PSPC1: variants seen among roughly 807,000 people sequenced by gnomAD.
PSPC1 encodes the protein paraspeckle component 1.
A neutral mutation model predicts 51.6 loss-of-function variants in PSPC1; 14 were observed. The observed-to-expected ratio is 0.27, with a 90% CI of 0.18 to 0.42. The LOEUF (loss-of-function observed/expected upper bound fraction) is 0.42, where lower values mean the gene tolerates loss of function less well. Among genes scored for constraint, PSPC1 ranks in the 10% least tolerant of loss-of-function variants. The probability of loss-of-function intolerance (pLI) is 1.00; values close to 1 mark genes in which losing one functional copy is unlikely to be tolerated. For synonymous variants in PSPC1, 193 were observed against 231.9 expected, an observed-to-expected ratio of 0.83 and a Z score of 1.53; for missense variants, 406 against 701.1, an observed-to-expected ratio of 0.58 and a Z score of 4.75.
intron 3 of PSPC1, among the ~76,000 whole-genome samples, chr13:19,752,744 C>T (rs1593713449): frequency 6.6e-6 from 1 of 152,074 alleles, no homozygotes; most frequent in Non-Finnish European, 1.5e-5. Context: ...CGCCACCATG[C>T]TTGGCTTATT....
At chr13:19,763,251 G>A (rs940408761) in intron 2 of PSPC1, among the ~76,000 whole-genome samples, 1 of 152,216 alleles carries the variant, frequency 6.6e-6, no homozygotes, top group Middle Eastern at 3.4e-3. Context: ...AACCTCCTGG[G>A]CTCAAGATAT....
chr13:19,703,029 A>G lies in PSPC1; in HGVS notation c.*146T>C, dbSNP rs188096571. On this transcript the variant is annotated 3_prime_UTR_variant, in exon 9 of 9. Coordinates refer to ENST00000338910, the MANE Select transcript of PSPC1 (RefSeq NM_001354909.2). ...ACAAAGCTCATGAATAAAGAAAAAT[A>G]CAAAAACCTCAAGTTTTACAAAAAA... 3.7e-3 allele frequency: 1,975 copies of G among 530,570 alleles called. 16 individuals are homozygous for G. The highest frequency in any genetic ancestry group is 0.035 in the African/African-American group (1,766 of 50,160). 32.9% of individuals were successfully genotyped at this position (530,570 alleles called of 1,614,324 possible). A position where few individuals can be genotyped will look rare whatever the true frequency, so the allele number is the denominator to read the frequency against.
intron 7 of PSPC1, among the ~76,000 whole-genome samples, chr13:19,706,859 A>G (rs573715525): frequency 4.9e-4 from 74 of 152,278 alleles, no homozygotes; most frequent in African/African-American, 1.8e-3. Context: ...AGTCCTTACC[A>G]GCCCCTGGCA....
intron 6 of PSPC1, among the ~76,000 whole-genome samples, chr13:19,710,846 T>G (rs1467116892): frequency 6.6e-6 from 1 of 152,068 alleles, no homozygotes; most frequent in East Asian, 1.9e-4. Flanking sequence ...AGCTTAATTT[T>G]TTTTTTTTTC....
chr13:19,714,988 A>G (rs532217118), intron 6 of PSPC1, among the ~76,000 whole-genome samples: 28 of 152,342 alleles, frequency 1.8e-4, no homozygotes, highest in African/African-American at 6.7e-4. Context: ...TGGGAAGCCA[A>G]CCATTTTTTA....
rs764071330 is a variant in PSPC1, at chr13:19,782,766, G to C, written c.-9C>G. The C allele has an allele frequency of 6.5e-6, 10 of 1,533,246 alleles. No homozygotes were observed. The highest frequency in any genetic ancestry group is 8.6e-6 in the Non-Finnish European group (10 of 1,157,174). 95.0% of individuals were successfully genotyped at this position (1,533,246 alleles called of 1,614,324 possible). Reference sequence around the variant, plus strand: ...TTTCCTCTTAACATCATCTTACTGAGTTCGCCTCGGACACCGGATACAGGC... The same window carrying C: ...TTTCCTCTTAACATCATCTTACTGACTTCGCCTCGGACACCGGATACAGGC... On this transcript the variant is annotated 5_prime_UTR_variant, in exon 1 of 9. Transcript: ENST00000338910. This position sits in a 1 kb window ranked among gnomAD's most constrained non-coding sequence, Gnocchi z 4.5.
intron 3 of PSPC1, among the ~76,000 whole-genome samples, chr13:19,755,209 C>G (rs998206821): frequency 7.3e-5 from 11 of 150,856 alleles, no homozygotes; most frequent in Admixed American, 2.0e-4. Flanking sequence ...GCACTGCAGT[C>G]TGGGCAACAG....
chr13:19,738,324 C>T (rs1885065099), intron 5 of PSPC1, among the ~76,000 whole-genome samples: 1 of 152,098 alleles, frequency 6.6e-6, no homozygotes, highest in African/African-American at 2.4e-5. Flanking sequence ...TTGGTATGTG[C>T]AGGGGATTGG....
intron 2 of PSPC1, among the ~76,000 whole-genome samples, chr13:19,760,592 C>G (rs1399064995): frequency 6.6e-6 from 1 of 151,582 alleles, no homozygotes; most frequent in African/African-American, 2.4e-5. Context: ...GTGGCTCAAA[C>G]CTGTAATTCT....
At chr13:19,779,860 T>TG (rs1407635033) in intron 1 of PSPC1, among the ~76,000 whole-genome samples, 6 of 91,090 alleles carry the variant, frequency 6.6e-5, no homozygotes, top group African/African-American at 8.6e-5. Flanking sequence ...GGGAGGGAGG[T>TG]GGGGGGGTCG....
Position 19,731,092 on chromosome 13 carries a change from A to T in PSPC1, c.1053-748T>A, listed in dbSNP as rs142038587. 5.1e-3 allele frequency among the ~76,000 whole-genome samples: 769 copies of T among 152,174 alleles called. 8 individuals are homozygous for T. The highest frequency in any genetic ancestry group is 0.018 in the African/African-American group (740 of 41,522). On this transcript the variant is annotated intron_variant, in intron 5 of 8. Transcript: ENST00000338910. Reference sequence around the variant, plus strand: ...AAAAAACCACAATGCCTAGACAAAAATCCTATTTCCAAAAGGAAGCCTTAC... The same window carrying T: ...AAAAAACCACAATGCCTAGACAAAATTCCTATTTCCAAAAGGAAGCCTTAC...
intron 4 of PSPC1, 76 bp downstream of exon 4, chr13:19,751,195 C>T: frequency 8.4e-7 from 1 of 1,193,464 alleles, no homozygotes; most frequent in Non-Finnish European, 1.1e-6. Context: ...GCACTTTACA[C>T]AGTAGTACAT....
intron 6 of PSPC1, among the ~76,000 whole-genome samples, chr13:19,718,901 A>G (rs1565990350): frequency 6.6e-6 from 1 of 152,282 alleles, no homozygotes; most frequent in Non-Finnish European, 1.5e-5. Context: ...GATTCCAACT[A>G]TATGACATTC....
At chr13:19,762,834 G>A (rs112534345) in intron 2 of PSPC1, among the ~76,000 whole-genome samples, 9,634 of 152,086 alleles carry the variant, frequency 0.063, 464 homozygotes, top group Non-Finnish European at 0.098. Flanking sequence ...ACCTAAGGCC[G>A]GGCACGGTGG....
chr13:19,745,429 T>C (rs571840771), intron 4 of PSPC1, among the ~76,000 whole-genome samples: 3 of 152,226 alleles, frequency 2.0e-5, no homozygotes, highest in Non-Finnish European at 4.4e-5. Flanking sequence ...AAAAGGAATA[T>C]AAACAAACTA....
At chr13:19,763,478 T>C (rs1162167344) in intron 2 of PSPC1, among the ~76,000 whole-genome samples, 1 of 152,196 alleles carries the variant, frequency 6.6e-6, no homozygotes, top group Non-Finnish European at 1.5e-5. Flanking sequence ...AGTTTGGTTA[T>C]AAACTTGAAG....
chr13:19,773,532 C>A (rs1888813992), intron 1 of PSPC1, among the ~76,000 whole-genome samples: 1 of 152,070 alleles, frequency 6.6e-6, no homozygotes, highest in South Asian at 2.1e-4. Flanking sequence ...GCCACCGCAC[C>A]CGGCCTGTTT....
chr13:19,735,219 G>A (rs985419872), intron 5 of PSPC1, among the ~76,000 whole-genome samples: 2 of 152,066 alleles, frequency 1.3e-5, no homozygotes, highest in Admixed American at 1.3e-4. Flanking sequence ...GGCTGAGGCA[G>A]GAGAATCACT....
At chr13:19,780,295 C>T (rs1279132416) in intron 1 of PSPC1, among the ~76,000 whole-genome samples, 5 of 140,116 alleles carry the variant, frequency 3.6e-5, no homozygotes, top group Non-Finnish European at 7.9e-5. Context: ...CTGGCCACCA[C>T]CCCGTCTGGG....
Sources: allele counts gnomAD v4.1 joint callset (sites outside exome capture counted in the v4.1 genomes callset), GRCh38; gene constraint gnomAD v4.1.1; non-coding constraint Gnocchi (gnomAD v3.1); transcripts MANE v1.5; gene names NCBI Gene and HGNC (gene_info 2026-07-23, HGNC 2026-07-21).